The following COL14A1 variants were observed in gnomAD, a reference collection of about 807,000 sequenced individuals.
COL14A1 encodes collagen type XIV alpha 1 chain.
In COL14A1, 136 loss-of-function variants were observed where a neutral mutation model predicts 230.3. That is an observed-to-expected ratio of 0.59 (90% CI 0.51 to 0.68). The LOEUF is 0.68. Ranked by LOEUF, COL14A1 falls within the 30% of genes least tolerant of loss-of-function variation. COL14A1 has a pLI of 0.00. For missense variants in COL14A1, 1,976 were observed against 2,215.8 expected, an observed-to-expected ratio of 0.89 and a Z score of 2.17; for synonymous variants, 792 against 784.1, an observed-to-expected ratio of 1.01 and a Z score of -0.17.
chr8:120,151,835 T>C (rs1206217120), intron 2 of COL14A1, among the ~76,000 whole-genome samples: 2 of 152,048 alleles, frequency 1.3e-5, no homozygotes, highest in East Asian at 1.9e-4. Context: ...GTGGGCCCAA[T>C]GTAACTGCAA....
intron 18 of COL14A1, 21 bp downstream of exon 18, chr8:120,228,790 G>A (rs773566863): frequency 6.2e-7 from 1 of 1,606,082 alleles, no homozygotes; most frequent in Non-Finnish European, 8.5e-7. Flanking sequence ...ATAGTAGCCT[G>A]CTTAACCACT....
chr8:120,367,958 A>G (rs1240826322), intron 46 of COL14A1, among the ~76,000 whole-genome samples: 1 of 151,684 alleles, frequency 6.6e-6, no homozygotes, highest in Non-Finnish European at 1.5e-5. Context: ...AAAAAAAAAG[A>G]AGGCACACCG....
At chr8:120,279,115 A>G (rs991656040) in intron 28 of COL14A1, among the ~76,000 whole-genome samples, 1 of 143,860 alleles carries the variant, frequency 7.0e-6, no homozygotes, top group Non-Finnish European at 1.5e-5. Flanking sequence ...ACACATGGAC[A>G]CAGGGAGGGG....
chr8:120,327,541 C>A (rs1245025233), intron 40 of COL14A1, among the ~76,000 whole-genome samples: 3 of 152,112 alleles, frequency 2.0e-5, no homozygotes, highest in East Asian at 3.9e-4. Flanking sequence ...AGGATCCTAA[C>A]CTTAAGCTTT....
intron 22 of COL14A1, among the ~76,000 whole-genome samples, chr8:120,252,620 T>TA (rs1819008818): frequency 6.6e-6 from 1 of 152,178 alleles, no homozygotes; most frequent in East Asian, 1.9e-4. Context: ...TTTTCAATTC[T>TA]AAAATGAAGA....
In COL14A1 at chr8:120,305,054, C is replaced by T. The variant is rs538144284; in HGVS notation, c.4401+4236C>T. The stretch of plus-strand genomic sequence containing the variant: ...AGTGCAATGGCACAATCTCGGCTCA[C>T]CACAACCTCTGCCTCCCAGGTTCAA... On this transcript the variant is annotated intron_variant, in intron 36 of 47. Transcript: ENST00000297848. Among the ~76,000 whole-genome samples, 71 of 151,878 alleles carry T rather than the reference C, an allele frequency of 4.7e-4. 2 individuals carry two copies. Among genetic ancestry groups the T allele is most frequent in the East Asian group, 1.4e-3 (7 of 5,166 alleles).
chr8:120,216,499 C>T lies in COL14A1; in HGVS notation c.1737+9C>T, dbSNP rs147637870. 625 of 1,603,032 alleles carry T rather than the reference C, an allele frequency of 3.9e-4. 1 individual carries two copies. Among genetic ancestry groups the T allele is most frequent in the Admixed American group, 6.6e-4 (38 of 57,972 alleles). On this transcript the variant is annotated intron_variant, in intron 14 of 47. Transcript: ENST00000297848. ...GGACTGAAATCAATGAGGTAAGTTC[C>T]GGGACATAATGTATATTTTTTAGGT...
chr8:120,255,185 G>T (rs761607821), intron 22 of COL14A1, 55 bp from the exon 23 acceptor site: 3 of 1,368,630 alleles, frequency 2.2e-6, no homozygotes, highest in Non-Finnish European at 3.1e-6. Context: ...TCAGATTCAG[G>T]GATGCTTGTG....
At chr8:120,299,479 T>G (rs1820645029) in intron 35 of COL14A1, among the ~76,000 whole-genome samples, 1 of 152,080 alleles carries the variant, frequency 6.6e-6, no homozygotes, top group South Asian at 2.1e-4. Flanking sequence ...TGATCACCAC[T>G]TTTTCTAGGA....
At chr8:120,190,805 C>T (rs1816797563) in intron 5 of COL14A1, among the ~76,000 whole-genome samples, 1 of 152,196 alleles carries the variant, frequency 6.6e-6, no homozygotes, top group Admixed American at 6.5e-5. Flanking sequence ...TTATCCATTT[C>T]TTCTAGATTT....
chr8:120,266,787 G>A lies in COL14A1; in HGVS notation c.3017-40G>A, dbSNP rs769578803. 1.9e-6 allele frequency: 3 copies of A among 1,539,384 alleles called. No homozygotes were observed. The South Asian group carries it at 3.4e-5, about 17-fold the overall frequency. On this transcript the variant is annotated intron_variant, in intron 24 of 47. Coordinates refer to ENST00000297848, the MANE Select transcript of COL14A1 (RefSeq NM_021110.4). ...TGACCTTCCGCTCTTCCCCACAGAT[G>A]AGATGGTGAACTGATGTCCTTTCTC...
Position 120,345,463 on chromosome 8 carries a change from T to TGGGAGGCCAGGCTCACCTGGAGCCC in COL14A1, c.4978_5002dup (p.Pro1668ArgfsTer11). On this transcript the variant is annotated frameshift_variant, in exon 45 of 48. Transcript: ENST00000297848. LOFTEE classifies it high-confidence loss of function. Reference sequence around the variant, plus strand: ...CTGTCCAAGGGCCTCCTGGGGAGCCTGGGAGGCCAGGCTCACCTGGAGCCC... The same window carrying TGGGAGGCCAGGCTCACCTGGAGCCC: ...CTGTCCAAGGGCCTCCTGGGGAGCCTGGGAGGCCAGGCTCACCTGGAGCCCGGGAGGCCAGGCTCACCTGGAGCCC... The TGGGAGGCCAGGCTCACCTGGAGCCC allele has an allele frequency of 6.2e-7, 1 of 1,602,788 alleles. No homozygotes were observed. Among genetic ancestry groups the TGGGAGGCCAGGCTCACCTGGAGCCC allele is most frequent in the Non-Finnish European group, 8.5e-7 (1 of 1,174,896 alleles).
Position 120,262,913 on chromosome 8 carries a change from A to G in COL14A1, c.2915A>G (p.His972Arg). The G allele has an allele frequency of 1.2e-6, 2 of 1,613,690 alleles. No individual in the cohort carries two copies. Among genetic ancestry groups the G allele is most frequent in the Non-Finnish European group, 1.7e-6 (2 of 1,179,846 alleles). ...ESTVGGGTTR[H>R]CFYGLQPDSE... ...ACTGTGGGTGGAGGGACAACCAGGC[A>G]TTGCTTCTATGGACTTCAGCCTGAT... Residue 972 changes from histidine (H) to arginine (R), a missense_variant, in exon 24 of 48, where the codon CAT becomes CGT. By Grantham distance (29) the His-to-Arg change is conservative. Around this residue, in one of 3 missense-constraint regions of COL14A1, gnomAD observed 1,791 missense variants for 2,019.5 expected, o/e 0.89. Transcript: ENST00000297848.
chr8:120,241,748 T>C (rs1818614946), intron 19 of COL14A1, among the ~76,000 whole-genome samples: 1 of 152,128 alleles, frequency 6.6e-6, no homozygotes, highest in Non-Finnish European at 1.5e-5. Context: ...GGTGCAGTCA[T>C]GTGGAGTAGA....
At chr8:120,235,382 G>C (rs1818408889) in intron 19 of COL14A1, among the ~76,000 whole-genome samples, 1 of 151,988 alleles carries the variant, frequency 6.6e-6, no homozygotes, top group South Asian at 2.1e-4. Flanking sequence ...TGTTGGCCAG[G>C]CTGGTCTCAA....
intron 14 of COL14A1, 39 bp from the exon 15 acceptor site, chr8:120,225,049 A>G (rs1818051321): frequency 6.3e-7 from 1 of 1,588,688 alleles, no homozygotes. Flanking sequence ...TATACTTAGC[A>G]TTAGATAGAG....
chr8:120,369,108 T>C (rs536963194), intron 46 of COL14A1, among the ~76,000 whole-genome samples: 5 of 152,344 alleles, frequency 3.3e-5, no homozygotes, highest in African/African-American at 1.2e-4. Context: ...GCCAGTTTCC[T>C]GAGCTGATTG....
chr8:120,274,353 A>G (rs1013095912), intron 26 of COL14A1, among the ~76,000 whole-genome samples: 2 of 151,894 alleles, frequency 1.3e-5, no homozygotes, highest in South Asian at 2.1e-4. Flanking sequence ...ATATATAGCA[A>G]CCTCACAGCC....
At chr8:120,187,293 C>G (rs1419526000) in intron 5 of COL14A1, among the ~76,000 whole-genome samples, 1 of 152,062 alleles carries the variant, frequency 6.6e-6, no homozygotes, top group Admixed American at 6.5e-5. Flanking sequence ...AGTAACATTA[C>G]CCCTTGCCCC....
Sources: allele counts gnomAD v4.1 joint callset (sites outside exome capture counted in the v4.1 genomes callset), GRCh38; gene constraint gnomAD v4.1.1; regional missense constraint gnomAD v4.1.1; transcripts MANE v1.5; gene names NCBI Gene and HGNC (gene_info 2026-07-23, HGNC 2026-07-21).